Variants in PCDH11X observed in about 807,000 individuals in gnomAD.
PCDH11X encodes protocadherin-11 X-linked.
PCDH11X carries 18 observed loss-of-function variants against 53.3 expected under a neutral mutation model. The observed-to-expected ratio is 0.34, with a 90% confidence interval of 0.23 to 0.50. The LOEUF (loss-of-function observed/expected upper bound fraction) is 0.50. Ranked by LOEUF, PCDH11X falls within the 20% of genes least tolerant of loss-of-function variation. PCDH11X has a pLI of 0.98. For synonymous variants in PCDH11X, 279 were observed against 393.3 expected, an observed-to-expected ratio of 0.71 and a Z score of 3.44; for missense variants, 570 against 1,032.4, an observed-to-expected ratio of 0.55 and a Z score of 6.14.
intron 8 of PCDH11X, among the ~76,000 whole-genome samples, chrX:92,338,791 G>A (rs997858432): frequency 5.4e-5 from 6 of 111,779 alleles, no homozygotes; most frequent in Non-Finnish European, 1.1e-4. Flanking sequence ...TGAAGCTCAG[G>A]TATCAGAGAA....
intron 6 of PCDH11X, among the ~76,000 whole-genome samples, chrX:92,007,099 AC>A (rs758069136): frequency 9.0e-6 from 1 of 110,721 alleles, no homozygotes; most frequent in East Asian, 2.9e-4. Flanking sequence ...ACCCACTGTT[AC>A]TACTCCCTGG....
At chrX:92,278,559 G>A (rs1569452749) in intron 8 of PCDH11X, among the ~76,000 whole-genome samples, 1 of 110,798 alleles carries the variant, frequency 9.0e-6, no homozygotes, top group Non-Finnish European at 1.9e-5. Flanking sequence ...GGGCAGGGGC[G>A]GGGGTCACAA....
chrX:92,285,340 G>A (rs1447496339), intron 8 of PCDH11X, among the ~76,000 whole-genome samples: 22 of 98,321 alleles, frequency 2.2e-4, no homozygotes, highest in Admixed American at 1.2e-3. Flanking sequence ...CGCAAACTCC[G>A]CCTCCAGGGT....
At chrX:92,203,016 C>G (rs1234474481) in intron 7 of PCDH11X, among the ~76,000 whole-genome samples, 1 of 110,945 alleles carries the variant, frequency 9.0e-6, no homozygotes, top group Non-Finnish European at 1.9e-5. Flanking sequence ...AAGCAAGACT[C>G]TGTCTCAAAA....
chrX:92,367,975 G>T (rs2148547957), intron 8 of PCDH11X, among the ~76,000 whole-genome samples: 1 of 102,184 alleles, frequency 9.8e-6, no homozygotes, highest in East Asian at 3.1e-4. Context: ...TGTGTCTTGG[G>T]GTTGCTTTTC....
intron 6 of PCDH11X, among the ~76,000 whole-genome samples, chrX:92,047,656 G>A (rs1301578188): frequency 1.8e-5 from 2 of 110,806 alleles, no homozygotes; most frequent in Non-Finnish European, 3.8e-5. Context: ...ATTTTTTGTT[G>A]TTGTTGTTTC....
chrX:91,829,874 T>C (rs2147606664), intron 4 of PCDH11X, among the ~76,000 whole-genome samples: 1 of 111,877 alleles, frequency 8.9e-6, no homozygotes, highest in Admixed American at 9.6e-5. Context: ...GAAATTATCC[T>C]TTGAACTTTG....
At chrX:92,508,733 T>A (rs764947339) in intron 10 of PCDH11X, among the ~76,000 whole-genome samples, 1 of 105,645 alleles carries the variant, frequency 9.5e-6, no homozygotes, top group African/African-American at 3.5e-5. Flanking sequence ...AAAATAATTT[T>A]GTATATAAAA....
In PCDH11X at chrX:91,835,605, T is replaced by G. The variant is rs776440894; in HGVS notation, c.101T>G (p.Met34Arg). 2.4e-5 allele frequency: 29 copies of G among 1,210,625 alleles called. No homozygotes were observed. The East Asian group carries it at 8.3e-4, about 35-fold the overall frequency. The change falls in exon 5 of 11, where the codon ATG becomes AGG. Residue 34 changes from methionine (M) to arginine (R), a missense_variant. This residue lies in a region of PCDH11X where 84 missense variants were observed against 142.0 expected (regional missense o/e 0.59). Transcript: ENST00000682573. Reference protein sequence around the residue: ...QEKNYTIREEMPENVLIGDLL... With the variant: ...QEKNYTIREERPENVLIGDLL... Reference sequence around the variant, plus strand: ...AAAAACTACACCATCCGAGAAGAAATGCCAGAAAACGTCCTGATAGGCGAC... The same window carrying G: ...AAAAACTACACCATCCGAGAAGAAAGGCCAGAAAACGTCCTGATAGGCGAC...
At chrX:92,391,914 C>A (rs1050920997) in intron 9 of PCDH11X, among the ~76,000 whole-genome samples, 14 of 111,312 alleles carry the variant, frequency 1.3e-4, no homozygotes, top group African/African-American at 4.2e-4. Flanking sequence ...CAGTCTTCAG[C>A]TTTCTAGTCA....
intron 6 of PCDH11X, among the ~76,000 whole-genome samples, chrX:92,002,315 A>C (rs1392457855): frequency 9.3e-6 from 1 of 107,796 alleles, no homozygotes; most frequent in Admixed American, 1.0e-4. Context: ...TTGTAGTATT[A>C]TTTGAGGACA....
intron 8 of PCDH11X, among the ~76,000 whole-genome samples, chrX:92,275,072 G>C (rs2068053555): frequency 9.7e-6 from 1 of 102,663 alleles, no homozygotes; most frequent in Admixed American, 1.1e-4. Flanking sequence ...GATTTTGGAA[G>C]TTATGAGAAA....
At position 91,877,685 on chromosome X, in the gene PCDH11X, G is replaced by A. The variant is rs772557943; in HGVS notation, c.1445G>A (p.Gly482Asp). 1.7e-6 allele frequency: 2 copies of A among 1,211,070 alleles called. No homozygotes were observed. Residue 482 changes from glycine to aspartate, a missense_variant, in exon 6 of 11, where the codon GGC becomes GAC. Transcript: ENST00000682573. ...TCTATTCCTGAGAATAACTCTCCTG[G>A]CATCCAGTTGACGAAAGTAAGTGCA... ...TVSIPENNSPGIQLTKVSAMD... is the reference protein window; with the variant it reads ...TVSIPENNSPDIQLTKVSAMD...
rs769524999 is a variant in PCDH11X, at chrX:92,407,876, G to T, written c.3343+19943G>T. Among the ~76,000 whole-genome samples, 331 of 109,224 alleles carry T rather than the reference G, an allele frequency of 3.0e-3. 1 individual carries two copies. Among genetic ancestry groups the T allele is most frequent in the Non-Finnish European group, 5.4e-3 (284 of 52,546 alleles). 94.8% of individuals were successfully genotyped at this position (109,224 alleles called of 115,157 possible). On this transcript the variant is annotated intron_variant, in intron 9 of 10. Coordinates refer to ENST00000682573, the MANE Select transcript of PCDH11X (RefSeq NM_032968.5). ...GGATACTATTAAAGTGTTTTTTTTT[G>T]TTTGTTTGTTTCTGTTTTTTGTTTT...
intron 6 of PCDH11X, among the ~76,000 whole-genome samples, chrX:91,909,059 T>C (rs1469182335): frequency 9.0e-6 from 1 of 111,133 alleles, no homozygotes; most frequent in Non-Finnish European, 1.9e-5. Context: ...GTACAAAACA[T>C]GCAAGATAAA....
chrX:92,143,260 A>G (rs1345960030), intron 6 of PCDH11X, among the ~76,000 whole-genome samples: 1 of 112,343 alleles, frequency 8.9e-6, no homozygotes, highest in Non-Finnish European at 1.9e-5. Flanking sequence ...AAACTGGGCA[A>G]CAGAATGAGA....
At chrX:91,965,559 A>G (rs1014776883) in intron 6 of PCDH11X, among the ~76,000 whole-genome samples, 2 of 106,932 alleles carry the variant, frequency 1.9e-5, no homozygotes, top group Admixed American at 2.0e-4. Context: ...AACTTAATTT[A>G]TAGAGGAGGG....
Position 92,301,757 on chromosome X carries a change from T to C in PCDH11X, c.3144+38614T>C, listed in dbSNP as rs758145330. 3.7e-5 allele frequency among the ~76,000 whole-genome samples: 4 copies of C among 107,404 alleles called. 1 individual carries two copies. The South Asian group carries it at 1.6e-3, about 44-fold the overall frequency. 93.3% of individuals were successfully genotyped at this position (107,404 alleles called of 115,157 possible). A position where few individuals can be genotyped will look rare whatever the true frequency, so the allele number is the denominator to read the frequency against. Reference sequence around the variant, plus strand: ...TTCTTGTGTTGTCTTTGCCTGGTTCTGGTGTCAGGAAATCATGGCCTCGTA... The same window carrying C: ...TTCTTGTGTTGTCTTTGCCTGGTTCCGGTGTCAGGAAATCATGGCCTCGTA... On this transcript the variant is annotated intron_variant, in intron 8 of 10. Transcript: ENST00000682573.
chrX:91,958,416 T>C (rs1398589369), intron 6 of PCDH11X, among the ~76,000 whole-genome samples: 1 of 111,511 alleles, frequency 9.0e-6, no homozygotes, highest in Non-Finnish European at 1.9e-5. Flanking sequence ...TCTGAGTGGC[T>C]GCTCTGCTGA....
Sources: allele counts gnomAD v4.1 joint callset (sites outside exome capture counted in the v4.1 genomes callset), GRCh38; gene constraint gnomAD v4.1.1; regional missense constraint gnomAD v4.1.1; transcripts MANE v1.5; gene names NCBI Gene and HGNC (gene_info 2026-07-23, HGNC 2026-07-21).